MAP4: variants seen among roughly 807,000 people sequenced by gnomAD.
MAP4 encodes microtubule associated protein 4.
In MAP4, 76 loss-of-function variants were observed where a neutral mutation model predicts 170.2. The observed-to-expected ratio is 0.45, with a 90% CI of 0.37 to 0.54. The LOEUF (loss-of-function observed/expected upper bound fraction) is 0.54. Among genes scored for constraint, MAP4 ranks in the 20% least tolerant of loss-of-function variants. MAP4 has a pLI of 0.00. For missense variants in MAP4, 2,506 were observed against 2,748.0 expected, an observed-to-expected ratio of 0.91 and a Z score of 1.97; for synonymous variants, 909 against 994.5, an observed-to-expected ratio of 0.91 and a Z score of 1.62.
At chr3:47,891,737 G>C in intron 10 of MAP4, 1 of 1,536,664 alleles carries the variant, frequency 6.5e-7, no homozygotes, top group East Asian at 2.4e-5. Context: ...AGTGATTGGC[G>C]GAATGGTGGT....
Position 47,877,436 on chromosome 3 carries a change from C to T in MAP4, c.5522G>A (p.Ser1841Asn). Residue 1841 changes from serine to asparagine, a missense_variant, in exon 11 of 21, where the codon AGC becomes AAC. By Grantham distance (46) the Ser-to-Asn change is conservative (BLOSUM62 1). This residue lies in a region of MAP4 where 2,008 missense variants were observed against 2,206.0 expected (regional missense o/e 0.91). Coordinates refer to ENST00000683076, the MANE Select transcript of MAP4 (RefSeq NM_001385682.1). ...TTPPNKELPP[S>N]PEKKTKPLAT... Reference sequence around the variant, plus strand: ...ACCTACCTTTGTTTTCTTCTCTGGGCTTGGTGGGAGCTCCTTGTTCGGTGG... The same window carrying T: ...ACCTACCTTTGTTTTCTTCTCTGGGTTTGGTGGGAGCTCCTTGTTCGGTGG... The T allele has an allele frequency of 1.9e-6, 3 of 1,613,998 alleles. No individual in the cohort carries two copies. Among genetic ancestry groups the T allele is most frequent in the Non-Finnish European group, 2.5e-6 (3 of 1,179,922 alleles).
intron 1 of MAP4, among the ~76,000 whole-genome samples, chr3:48,062,844 A>T (rs1294239155): frequency 6.6e-6 from 1 of 151,636 alleles, no homozygotes; most frequent in Non-Finnish European, 1.5e-5. Flanking sequence ...GAATCACTTG[A>T]ACCTGGGAGG....
intron 1 of MAP4, among the ~76,000 whole-genome samples, chr3:48,036,541 C>T (rs1366219981): frequency 6.6e-6 from 1 of 152,172 alleles, no homozygotes; most frequent in East Asian, 1.9e-4. Context: ...AAGGGGGCGC[C>T]TTCTTGATAT....
Position 47,871,212 on chromosome 3 carries a change from C to T in MAP4, c.6001+15G>A, listed in dbSNP as rs368377815. The T allele has an allele frequency of 7.4e-6, 12 of 1,613,950 alleles. No homozygotes were observed. The highest frequency in any genetic ancestry group is 4.0e-5 in the African/African-American group (3 of 74,916). On this transcript the variant is annotated intron_variant, in intron 14 of 20. Coordinates refer to ENST00000683076, the MANE Select transcript of MAP4 (RefSeq NM_001385682.1). ...TTCAAGTTAGGGCTCTACAAAATGG[C>T]GGATGGGCTATTACCTGGTACAGAC... is the stretch of plus-strand genomic sequence containing the variant.
At chr3:47,932,473 T>C (rs576752537) in intron 3 of MAP4, among the ~76,000 whole-genome samples, 28 of 152,200 alleles carry the variant, frequency 1.8e-4, no homozygotes, top group Non-Finnish European at 1.3e-4. Flanking sequence ...AAAGCAACTT[T>C]ATGTTTAATA....
rs1255259614 is a variant in MAP4 at position 47,857,996 on chromosome 3, C to T, written c.6502-484G>A. Reference sequence around the variant, plus strand: ...GAGCCCAGAGTGTTGGGATTACAGGCGTGAGCCACCACGCCTGGCCTTCAC... The same window carrying T: ...GAGCCCAGAGTGTTGGGATTACAGGTGTGAGCCACCACGCCTGGCCTTCAC... On this transcript the variant is annotated intron_variant, in intron 17 of 20. Coordinates refer to ENST00000683076, the MANE Select transcript of MAP4 (RefSeq NM_001385682.1). 1.0e-4 allele frequency among the ~76,000 whole-genome samples: 15 copies of T among 149,516 alleles called. 1 individual carries two copies. Among genetic ancestry groups the T allele is most frequent in the Non-Finnish European group, 2.1e-4 (14 of 67,578 alleles).
intron 1 of MAP4, among the ~76,000 whole-genome samples, chr3:48,087,745 G>GCGCACACACACA (rs1491486983): frequency 1.9e-5 from 2 of 105,676 alleles, no homozygotes; most frequent in Non-Finnish European, 4.1e-5. Flanking sequence ...ACACGCACGC[G>GCGCACACACACA]CACACACACA....
chr3:47,953,596 A>G (rs944671488), intron 3 of MAP4, among the ~76,000 whole-genome samples: 1 of 152,228 alleles, frequency 6.6e-6, no homozygotes, highest in African/African-American at 2.4e-5. Context: ...AAGTTTCCCT[A>G]GCAAGATGTA....
chr3:48,061,352 C>G (rs1238562250), intron 1 of MAP4, among the ~76,000 whole-genome samples: 7 of 152,188 alleles, frequency 4.6e-5, no homozygotes, highest in African/African-American at 1.7e-4. Context: ...GCCGCCACGC[C>G]TGACCGGTTT....
At chr3:47,875,012 G>A (rs2094835820) in intron 12 of MAP4, among the ~76,000 whole-genome samples, 1 of 150,942 alleles carries the variant, frequency 6.6e-6, no homozygotes, top group African/African-American at 2.5e-5. Flanking sequence ...TAACACTAAT[G>A]CTGCTCCAAA....
At chr3:47,895,915 T>C (rs1253747171) in intron 10 of MAP4, among the ~76,000 whole-genome samples, 2 of 151,342 alleles carry the variant, frequency 1.3e-5, no homozygotes, top group Non-Finnish European at 2.9e-5. Flanking sequence ...TGAAAAAATA[T>C]AATTATGAGG....
intron 12 of MAP4, 53 bp downstream of exon 12, chr3:47,875,632 G>T: frequency 6.9e-7 from 1 of 1,455,570 alleles, no homozygotes; most frequent in Non-Finnish European, 9.5e-7. Flanking sequence ...CTGTCTATCT[G>T]ACACTCAGAG....
chr3:48,027,217 TAA>T (rs1164395817), intron 1 of MAP4, among the ~76,000 whole-genome samples: 1 of 152,112 alleles, frequency 6.6e-6, no homozygotes, highest in Non-Finnish European at 1.5e-5. Context: ...ACATGTAAAA[TAA>T]AAAAGAGTAA....
At chr3:47,933,816 G>A (rs1325103461) in intron 3 of MAP4, among the ~76,000 whole-genome samples, 1 of 151,952 alleles carries the variant, frequency 6.6e-6, no homozygotes, top group Non-Finnish European at 1.5e-5. Flanking sequence ...TGGCCAGGCT[G>A]GTCTCAAACT....
At chr3:47,890,560 G>A (rs902046253) in intron 10 of MAP4, among the ~76,000 whole-genome samples, 7 of 152,136 alleles carry the variant, frequency 4.6e-5, no homozygotes, top group African/African-American at 1.7e-4. Flanking sequence ...GGTTAGTGCT[G>A]ATAAACCCAT....
rs1281670528 is a variant in MAP4, at chr3:47,871,923, G to T, written c.5935C>A (p.Pro1979Thr). 6.2e-7 allele frequency: 1 copy of T among 1,609,718 alleles called. No homozygotes were observed. Among genetic ancestry groups the T allele is most frequent in the East Asian group, 2.2e-5 (1 of 44,762 alleles). Residue 1979 changes from proline (P) to threonine (T), a missense_variant, in exon 13 of 21, where the codon CCC becomes ACC. Coordinates refer to ENST00000683076, the MANE Select transcript of MAP4 (RefSeq NM_001385682.1). The part of the protein sequence containing the change: ...RSPSTLLPKK[P>T]TAIKTEGKPA... ...AGAGAAAGGCAATACTCACCAGTGGGCTTCTTGGGCAGGAGCGTGGAGGGG... is the reference window on the plus strand; with the variant it reads ...AGAGAAAGGCAATACTCACCAGTGGTCTTCTTGGGCAGGAGCGTGGAGGGG...
chr3:47,855,199 T>A lies in MAP4; in HGVS notation c.6696+49A>T, dbSNP rs1006415717. Reference sequence around the variant, plus strand: ...TGTGAGGACCCTGACCCTAACTGCATAGTTCCCACCCCTCCCCAGCTGTGT... The same window carrying A: ...TGTGAGGACCCTGACCCTAACTGCAAAGTTCCCACCCCTCCCCAGCTGTGT... On this transcript the variant is annotated intron_variant, in intron 19 of 20. Transcript: ENST00000683076. This position sits in a 1 kb window ranked among gnomAD's most constrained non-coding sequence, Gnocchi z 5.1. 1 of 1,358,232 alleles carries A rather than the reference T, an allele frequency of 7.4e-7. No homozygotes were observed. The highest frequency in any genetic ancestry group is 2.3e-5 in the East Asian group (1 of 43,592). The allele number at this position is 1,358,232 out of a possible 1,614,324, so 84.1% of individuals were successfully genotyped here.
At chr3:48,084,208 C>CA (rs758278974) in intron 1 of MAP4, among the ~76,000 whole-genome samples, 1,605 of 80,004 alleles carry the variant, frequency 0.02, 24 homozygotes, top group African/African-American at 0.054. Flanking sequence ...GACTCAGTCT[C>CA]AAAAAAAAAA....
intron 1 of MAP4, among the ~76,000 whole-genome samples, chr3:48,058,794 T>C (rs2100133608): frequency 6.6e-6 from 1 of 152,202 alleles, no homozygotes. Context: ...TTTTATTTAT[T>C]TTTGAGATGA....
Sources: gnomAD v4.1 joint callset for allele counts (sites outside exome capture counted in the v4.1 genomes callset) on GRCh38, gnomAD v4.1.1 for gene constraint, gnomAD v4.1.1 regional missense constraint, Gnocchi (gnomAD v3.1) non-coding constraint, MANE v1.5 for transcripts, NCBI Gene and HGNC (gene_info 2026-07-23, HGNC 2026-07-21) for gene names.